Variants in CIT observed in about 807,000 individuals in gnomAD.
CIT encodes the protein citron Rho-interacting kinase.
Under a neutral mutation model 272.7 loss-of-function variants are expected in CIT, and 79 were observed. The observed-to-expected ratio is 0.29, with a 90% CI of 0.24 to 0.35. The LOEUF (loss-of-function observed/expected upper bound fraction) is 0.35, where lower values mean the gene tolerates loss of function less well. Ranked by LOEUF, CIT falls within the 10% of genes least tolerant of loss-of-function variation. The pLI, the probability that CIT is intolerant of heterozygous loss-of-function variation, is 1.00. For missense variants in CIT, 1,909 were observed against 2,618.3 expected (o/e 0.73, Z 5.91); for synonymous variants, 948 against 995.6 (o/e 0.95, Z 0.90).
chr12:119,742,554 C>T, intron 23 of CIT, 90 bp from the exon 24 acceptor site: 1 of 963,982 alleles, frequency 1.0e-6, no homozygotes, highest in Non-Finnish European at 1.5e-6. Flanking sequence ...AGCAATTTGC[C>T]TGGAAAGCCG....
chr12:119,813,809 G>C (rs1388405220), intron 9 of CIT, among the ~76,000 whole-genome samples: 1 of 152,204 alleles, frequency 6.6e-6, no homozygotes, highest in Non-Finnish European at 1.5e-5. Flanking sequence ...ACTTCCGAGG[G>C]ATGGGGCCCA....
chr12:119,730,392 G>T, intron 27 of CIT, 103 bp downstream of exon 27: 2 of 1,262,844 alleles, frequency 1.6e-6, no homozygotes, highest in Non-Finnish European at 2.1e-6. Flanking sequence ...ATATGTTTAT[G>T]AAATATGTTT....
At chr12:119,717,838 C>CCTTTTTTTTTTTTTTTTTTTTT (rs1957598855) in intron 32 of CIT, among the ~76,000 whole-genome samples, 9 of 81,332 alleles carry the variant, frequency 1.1e-4, no homozygotes, top group Non-Finnish European at 2.0e-4. Flanking sequence ...TGACTTCTTT[C>CCTTTTTTTTTTTTTTTTTTTTT]TTTTTTTTTT....
At position 119,712,869 on chromosome 12, in the gene CIT, T is replaced by A. The variant is rs754059154; in HGVS notation, c.4580-174A>T. 38 of 565,770 alleles carry A rather than the reference T, an allele frequency of 6.7e-5. No homozygotes were observed. The highest frequency in any genetic ancestry group is 1.2e-4 in the Non-Finnish European group (38 of 320,092). The allele number at this position is 565,770 out of a possible 1,614,324, so 35.0% of individuals were successfully genotyped here. A position where few individuals can be genotyped will look rare whatever the true frequency, so the allele number is the denominator to read the frequency against. ...GTGCAGAGAAGGCAGAGAGGGAAGA[T>A]AAAAAAAAATAAAGTGTGTCAGATG... On this transcript the variant is annotated intron_variant, in intron 35 of 47. Coordinates refer to ENST00000392521, the MANE Select transcript of CIT (RefSeq NM_001206999.2). The surrounding 1 kb of genome is among the most constrained non-coding windows in gnomAD (Gnocchi z 5.2).
intron 37 of CIT, among the ~76,000 whole-genome samples, chr12:119,711,496 C>CT (rs1423365289): frequency 4.6e-5 from 7 of 152,324 alleles, no homozygotes; most frequent in African/African-American, 1.7e-4. Context: ...TATTGTGCTG[C>CT]TTCGTGGCCA....
At chr12:119,847,057 T>G (rs561477586) in intron 5 of CIT, among the ~76,000 whole-genome samples, 17 of 151,820 alleles carry the variant, frequency 1.1e-4, no homozygotes, top group African/African-American at 3.9e-4. Flanking sequence ...CAATCTGGGC[T>G]CACTGCAAGC....
chr12:119,795,605 A>G (rs1244328639), intron 10 of CIT, among the ~76,000 whole-genome samples: 1 of 152,142 alleles, frequency 6.6e-6, no homozygotes, highest in African/African-American at 2.4e-5. Flanking sequence ...TTTTACCTTT[A>G]CTATTAGACA....
chr12:119,782,154 T>C (rs966350050), intron 13 of CIT: 3 of 158,824 alleles, frequency 1.9e-5, no homozygotes, highest in Non-Finnish European at 4.1e-5. Flanking sequence ...TTGATTTTTT[T>C]TCCAACTGTT....
Position 119,834,232 on chromosome 12 carries a change from TATAGA to T in CIT, c.517-9_517-5del. The T allele has an allele frequency of 6.3e-7, 1 of 1,584,616 alleles. No individual in the cohort carries two copies. The highest frequency in any genetic ancestry group is 8.6e-7 in the Non-Finnish European group (1 of 1,168,996). ...CTCCAGGCTGATATTCCATGACCTG[TATAGA>T]ATGCCAAAGTTATTAATTCTTCACA... On this transcript the variant is annotated splice_region_variant and splice_polypyrimidine_tract_variant and intron_variant, in intron 5 of 47. Transcript: ENST00000392521.
At chr12:119,861,250 T>TGAGGTACTGAGGTAGA (rs1950327585) in intron 3 of CIT, among the ~76,000 whole-genome samples, 1 of 151,968 alleles carries the variant, frequency 6.6e-6, no homozygotes, top group Non-Finnish European at 1.5e-5. Flanking sequence ...CACTGAATAT[T>TGAGGTACTGAGGTAGA]GAGGTACTGA....
At chr12:119,769,576 G>A (rs531695532) in intron 18 of CIT, among the ~76,000 whole-genome samples, 40 of 152,218 alleles carry the variant, frequency 2.6e-4, no homozygotes, top group African/African-American at 9.6e-4. Flanking sequence ...GGACAGCAGC[G>A]GTGGGATCTC....
chr12:119,709,762 A>AAGAGAGAG (rs764752861), intron 39 of CIT, among the ~76,000 whole-genome samples: 2 of 120,496 alleles, frequency 1.7e-5, no homozygotes, highest in Admixed American at 8.6e-5. Context: ...TGGTTCAGGA[A>AAGAGAGAG]AGAGAGAGAG....
chr12:119,765,297 G>A (rs1962289629), intron 19 of CIT, among the ~76,000 whole-genome samples: 1 of 149,070 alleles, frequency 6.7e-6, no homozygotes, highest in Non-Finnish European at 1.5e-5. Flanking sequence ...CAGCTACTTG[G>A]GTGGCTGAGG....
chr12:119,691,460 T>C (rs1203333075), intron 46 of CIT, among the ~76,000 whole-genome samples: 2 of 152,134 alleles, frequency 1.3e-5, no homozygotes, highest in Non-Finnish European at 2.9e-5. Context: ...TGACACCTGA[T>C]GCAAATGCAG....
At chr12:119,700,691 T>C (rs745349944) in intron 44 of CIT, 54 bp downstream of exon 44, 6 of 1,446,188 alleles carry the variant, frequency 4.1e-6, no homozygotes, top group Non-Finnish European at 5.8e-6. Context: ...GCAATTCTTT[T>C]CCAGGACACC....
chr12:119,779,117 G>A (rs995537522), intron 13 of CIT, among the ~76,000 whole-genome samples: 1 of 152,128 alleles, frequency 6.6e-6, no homozygotes, highest in African/African-American at 2.4e-5. Context: ...CTACTTGGAA[G>A]GCTGAGACAG....
chr12:119,829,865 C>G (rs1968484371), intron 7 of CIT, among the ~76,000 whole-genome samples: 1 of 152,022 alleles, frequency 6.6e-6, no homozygotes, highest in Non-Finnish European at 1.5e-5. Context: ...CTAAGATTCA[C>G]AGGTATCCAA....
rs185421723 is a variant in CIT, at chr12:119,686,423, A to G, written c.*1809T>C. On this transcript the variant is annotated 3_prime_UTR_variant, in exon 48 of 48. Coordinates refer to ENST00000392521, the MANE Select transcript of CIT (RefSeq NM_001206999.2). ...CGACCCCACAGACTCCAAGCAACAC[A>G]TAAAACGCCACAGCAGGACATTTGC... 9 of 152,354 alleles carry G rather than the reference A, an allele frequency of 5.9e-5. No individual in the cohort carries two copies. The highest frequency in any genetic ancestry group is 4.6e-4 in the Admixed American group (7 of 15,304). The allele number at this position is 152,354 out of a possible 1,614,324, so 9.4% of individuals were successfully genotyped here.
At chr12:119,771,087 G>A (rs1330567100) in intron 17 of CIT, among the ~76,000 whole-genome samples, 177 bp from the exon 18 acceptor site, 1 of 152,196 alleles carries the variant, frequency 6.6e-6, no homozygotes, top group Non-Finnish European at 1.5e-5. Context: ...CAGTTGTGTA[G>A]GTTACAAGAG....
Sources: allele counts gnomAD v4.1 joint callset (sites outside exome capture counted in the v4.1 genomes callset), GRCh38; gene constraint gnomAD v4.1.1; non-coding constraint Gnocchi (gnomAD v3.1); transcripts MANE v1.5; gene names NCBI Gene and HGNC (gene_info 2026-07-23, HGNC 2026-07-21).